Variants in DECR1 observed in about 807,000 individuals in gnomAD.
DECR1 encodes the protein 2,4-dienoyl-CoA reductase 1, also known as 2,4-dienoyl-CoA reductase [(3E)-enoyl-CoA-producing], mitochondrial.
In DECR1, 44 loss-of-function variants were observed where a neutral mutation model predicts 38.8. The ratio of observed to expected loss-of-function variants is 1.13; its 90% CI spans 0.89 to 1.46. The LOEUF is 1.46. Among genes scored for constraint, DECR1 ranks in the 40% most tolerant of loss-of-function variants. The pLI, the probability that DECR1 is intolerant of heterozygous loss-of-function variation, is 0.00. For missense variants in DECR1, 428 were observed against 405.5 expected (o/e 1.06, Z -0.48); for synonymous variants, 148 against 135.2 (o/e 1.09, Z -0.66).
chr8:90,044,217 T>C (rs1238663573), intron 7 of DECR1, among the ~76,000 whole-genome samples: 2 of 152,208 alleles, frequency 1.3e-5, no homozygotes, highest in Non-Finnish European at 2.9e-5. Context: ...TGAGTGTTTG[T>C]TCTGTCTTAT....
intron 1 of DECR1, chr8:90,006,047 T>C (rs1443358573): frequency 1.6e-6 from 1 of 621,844 alleles, no homozygotes; most frequent in Non-Finnish European, 2.9e-6. Flanking sequence ...ATGAAGATGG[T>C]ACTACGACAT....
At chr8:90,049,472 G>T (rs1417416021) in intron 8 of DECR1, among the ~76,000 whole-genome samples, 1 of 152,122 alleles carries the variant, frequency 6.6e-6, no homozygotes, top group Non-Finnish European at 1.5e-5. Context: ...ACTTACAAGG[G>T]ATGTGAAGTA....
chr8:90,014,591 AT>A (rs752589713), intron 1 of DECR1, among the ~76,000 whole-genome samples: 20 of 152,298 alleles, frequency 1.3e-4, no homozygotes, highest in East Asian at 1.9e-4. Flanking sequence ...CACATGTGAC[AT>A]TTTTACCTTT....
chr8:90,052,367 T>C lies in DECR1; in HGVS notation c.*470T>C, dbSNP rs982028206. Among the ~76,000 whole-genome samples, 8 of 152,232 alleles carry C rather than the reference T, an allele frequency of 5.3e-5. No homozygotes were observed. Among genetic ancestry groups the C allele is most frequent in the Non-Finnish European group, 1.2e-4 (8 of 68,028 alleles). Reference sequence around the variant, plus strand: ...TCACTGGACTTGTGAATTATCTTCTTTGGGTAACTCAGTATTAACTCAAAC... The same window carrying C: ...TCACTGGACTTGTGAATTATCTTCTCTGGGTAACTCAGTATTAACTCAAAC... On this transcript the variant is annotated 3_prime_UTR_variant, in exon 10 of 10. Transcript: ENST00000220764.
chr8:90,041,660 A>G (rs1563652369), intron 6 of DECR1, among the ~76,000 whole-genome samples: 1 of 152,046 alleles, frequency 6.6e-6, no homozygotes. Context: ...CTTTTTCTTT[A>G]TGGGTACTGT....
chr8:90,024,392 T>G (rs1442849008), intron 5 of DECR1, among the ~76,000 whole-genome samples: 1 of 152,194 alleles, frequency 6.6e-6, no homozygotes, highest in African/African-American at 2.4e-5. Flanking sequence ...GTTTCCTGAC[T>G]TTTTAATGAT....
chr8:90,024,425 T>C (rs1813250598), intron 5 of DECR1, among the ~76,000 whole-genome samples: 1 of 152,226 alleles, frequency 6.6e-6, no homozygotes, highest in South Asian at 2.1e-4. Flanking sequence ...TGGTGTGAGA[T>C]GGTATCTCAT....
chr8:90,048,784 A>T lies in DECR1; in HGVS notation c.886-2893A>T, dbSNP rs183358244. On this transcript the variant is annotated intron_variant, in intron 8 of 9. Coordinates refer to ENST00000220764, the MANE Select transcript of DECR1 (RefSeq NM_001359.2). ...TTCCTGATGAACATTGATGCAAAAA[A>T]CTTCAGTAAAATACTGGCAAACCAA... Among the ~76,000 whole-genome samples, 757 of 152,266 alleles carry T rather than the reference A, an allele frequency of 5.0e-3. 8 individuals carry two copies. Among genetic ancestry groups the T allele is most frequent in the African/African-American group, 0.013 (542 of 41,562 alleles).
In DECR1 at chr8:90,020,906, T is replaced by G. The variant is rs1305656302; in HGVS notation, c.418-3T>G. On this transcript the variant is annotated splice_region_variant and splice_polypyrimidine_tract_variant and intron_variant, in intron 4 of 9. Transcript: ENST00000220764. ...TCTGTAACTTGCCTTGTTCATTTAT[T>G]AGATTGTGATAAACAATGCAGCAGG... 6.5e-7 allele frequency: 1 copy of G among 1,537,878 alleles called. No individual in the cohort carries two copies. Among genetic ancestry groups the G allele is most frequent in the African/African-American group, 1.4e-5 (1 of 70,718 alleles).
At chr8:90,011,232 AT>A (rs1586136710) in intron 1 of DECR1, among the ~76,000 whole-genome samples, 1 of 152,224 alleles carries the variant, frequency 6.6e-6, no homozygotes, top group Non-Finnish European at 1.5e-5. Context: ...TAATTAAAAA[AT>A]AATACATCTA....
chr8:90,019,255 T>C, intron 4 of DECR1, 83 bp downstream of exon 4: 1 of 1,165,954 alleles, frequency 8.6e-7, no homozygotes, highest in Non-Finnish European at 1.3e-6. Flanking sequence ...AAATAAAATA[T>C]TGATACTGAT....
At chr8:90,025,150 T>C (rs1300778538) in intron 5 of DECR1, among the ~76,000 whole-genome samples, 2 of 152,158 alleles carry the variant, frequency 1.3e-5, no homozygotes, top group Non-Finnish European at 2.9e-5. Flanking sequence ...TGAAGTGAGG[T>C]AGTATGATGC....
chr8:90,051,692 G>A lies in DECR1; in HGVS notation c.901G>A (p.Gly301Ser), dbSNP rs779204338. 3.9e-5 allele frequency: 63 copies of A among 1,611,852 alleles called. No homozygotes were observed. The highest frequency in any genetic ancestry group is 3.3e-4 in the East Asian group (15 of 44,830). Residue 301 changes from glycine (G) to serine (S), a missense_variant, in exon 9 of 10, where the codon GGT becomes AGT. Transcript: ENST00000220764. ...TTTTTTCCAGGTCATTAAATTTGAC[G>A]GTGGAGAGGAAGTACTTATTTCAGG... ...WINGAVIKFDGGEEVLISGEF... is the reference protein window; with the variant it reads ...WINGAVIKFDSGEEVLISGEF...
intron 8 of DECR1, among the ~76,000 whole-genome samples, chr8:90,049,227 A>G (rs368484480): frequency 6.6e-6 from 1 of 152,136 alleles, no homozygotes; most frequent in African/African-American, 2.4e-5. Flanking sequence ...AGGAAAAGAG[A>G]AAGTCAAATT....
chr8:90,031,605 T>A (rs1482279196), intron 5 of DECR1, among the ~76,000 whole-genome samples: 1 of 152,152 alleles, frequency 6.6e-6, no homozygotes, highest in Non-Finnish European at 1.5e-5. Context: ...TTTAGAGAAT[T>A]AAGGATTTTT....
intron 8 of DECR1, among the ~76,000 whole-genome samples, chr8:90,049,791 C>T (rs1814020157): frequency 6.6e-6 from 1 of 152,086 alleles, no homozygotes. Context: ...TACAAGGCTA[C>T]AGTAACCAAA....
intron 5 of DECR1, among the ~76,000 whole-genome samples, chr8:90,036,497 T>C (rs1425344403): frequency 2.0e-5 from 3 of 152,160 alleles, no homozygotes; most frequent in Non-Finnish European, 4.4e-5. Context: ...TTAATTCTGA[T>C]TTATTCTTAT....
chr8:90,005,326 G>T (rs1812712042), intron 1 of DECR1: 2 of 456,142 alleles, frequency 4.4e-6, no homozygotes, highest in Non-Finnish European at 8.8e-6. Context: ...GAGAAGAAGA[G>T]CTGATTCCTG....
intron 5 of DECR1, 138 bp from the exon 6 acceptor site, chr8:90,036,703 G>C (rs1586159250): frequency 5.5e-6 from 3 of 545,320 alleles, no homozygotes; most frequent in Middle Eastern, 4.9e-4. Context: ...CATTAATTTA[G>C]AGTGAGTGAA....
Sources: allele counts gnomAD v4.1 joint callset (sites outside exome capture counted in the v4.1 genomes callset), GRCh38; gene constraint gnomAD v4.1.1; transcripts MANE v1.5; gene names NCBI Gene and HGNC (gene_info 2026-07-23, HGNC 2026-07-21).